Variants in ZC4H2 observed in about 807,000 individuals in gnomAD.
The protein encoded by ZC4H2 is zinc finger C4H2 domain-containing protein.
For synonymous variants in ZC4H2, 84 were observed against 66.3 expected (o/e 1.27, Z -1.30); for missense variants, 137 against 173.9 (o/e 0.79, Z 1.19).
At chrX:64,971,517 T>C (rs969707156) in intron 1 of ZC4H2, among the ~76,000 whole-genome samples, 2 of 111,903 alleles carry the variant, frequency 1.8e-5, no homozygotes, top group African/African-American at 6.5e-5. Context: ...CAGATTGCCA[T>C]CTGAGGTAAC....
At chrX:64,946,543 G>A (rs1200111911) in intron 1 of ZC4H2, among the ~76,000 whole-genome samples, 1 of 107,086 alleles carries the variant, frequency 9.3e-6, no homozygotes, top group East Asian at 3.0e-4. Flanking sequence ...TTCCTATTCA[G>A]CCATCTTGGA....
intron 1 of ZC4H2, among the ~76,000 whole-genome samples, chrX:64,952,316 A>G (rs191071661): frequency 0.14 from 15,245 of 108,546 alleles, 2,723 homozygotes; most frequent in African/African-American, 0.49. Context: ...ACTTTCAAGT[A>G]GTTTCTTCCA....
intron 1 of ZC4H2, among the ~76,000 whole-genome samples, chrX:64,966,412 A>G (rs754131568): frequency 3.6e-5 from 4 of 112,583 alleles, no homozygotes; most frequent in Non-Finnish European, 5.6e-5. Context: ...AGTTATACAT[A>G]TACTTACAAT....
intron 1 of ZC4H2, among the ~76,000 whole-genome samples, chrX:64,956,549 T>C (rs1439622348): frequency 9.0e-6 from 1 of 111,361 alleles, no homozygotes; most frequent in Non-Finnish European, 1.9e-5. Flanking sequence ...CCCAAAATGA[T>C]GGTAACAGAG....
chrX:64,974,466 T>G (rs1931878669), intron 1 of ZC4H2, among the ~76,000 whole-genome samples: 1 of 112,136 alleles, frequency 8.9e-6, no homozygotes, highest in South Asian at 3.7e-4. Context: ...AGTGGATATC[T>G]TAGTATGGAA....
At chrX:64,928,050 T>A (rs1233768287) in intron 1 of ZC4H2, among the ~76,000 whole-genome samples, 1 of 112,257 alleles carries the variant, frequency 8.9e-6, no homozygotes, top group East Asian at 2.8e-4. Context: ...ATGGATAGAT[T>A]GCAAAAATTT....
intron 1 of ZC4H2, among the ~76,000 whole-genome samples, chrX:65,020,932 A>C (rs1050825230): frequency 9.0e-6 from 1 of 111,331 alleles, no homozygotes; most frequent in African/African-American, 3.3e-5. Context: ...GAGAAAAGAA[A>C]GGCATTACAT....
intron 1 of ZC4H2, among the ~76,000 whole-genome samples, chrX:64,942,619 A>G (rs771071825): frequency 9.1e-6 from 1 of 109,911 alleles, no homozygotes; most frequent in Admixed American, 9.8e-5. Flanking sequence ...GCTGAGAATG[A>G]TGGTTTTCAG....
In ZC4H2 at chrX:64,921,958, C is replaced by A. The variant is rs1217296447; in HGVS notation, c.84G>T (p.Lys28Asn). Residue 28 changes from lysine to asparagine, a missense_variant, in exon 2 of 5, where the codon AAG (lysine) becomes AAT (asparagine). Lys to Asn is a moderately conservative substitution (Grantham distance 94). Coordinates refer to ENST00000374839, the MANE Select transcript of ZC4H2 (RefSeq NM_018684.4). ...RNKTLQMEKI[K>N]ARLKAEFEAL... Reference sequence around the variant, plus strand: ...CCTCAAACTCAGCCTTCAAACGAGCCTTGATCTTCTCCATCTGCAGGGTCT... The same window carrying A: ...CCTCAAACTCAGCCTTCAAACGAGCATTGATCTTCTCCATCTGCAGGGTCT... 1 of 1,208,298 alleles carries A rather than the reference C, an allele frequency of 8.3e-7. No individual in the cohort carries two copies. The highest frequency in any genetic ancestry group is 1.8e-5 in the South Asian group (1 of 56,735).
At chrX:65,016,543 A>C (rs763962973) in intron 1 of ZC4H2, among the ~76,000 whole-genome samples, 3 of 112,134 alleles carry the variant, frequency 2.7e-5, no homozygotes, top group Non-Finnish European at 3.8e-5. Context: ...AGATAATCCC[A>C]TAAGTACCTG....
chrX:64,992,332 T>A (rs926822571), intron 1 of ZC4H2, among the ~76,000 whole-genome samples: 2 of 111,454 alleles, frequency 1.8e-5, no homozygotes, highest in African/African-American at 3.3e-5. Context: ...AGATTGAACA[T>A]CCCTCAATCT....
intron 1 of ZC4H2, among the ~76,000 whole-genome samples, chrX:65,026,554 A>C (rs981573974): frequency 9.1e-6 from 1 of 110,373 alleles, no homozygotes; most frequent in African/African-American, 3.3e-5. Flanking sequence ...ATAAAAATAC[A>C]AAAAATTAGC....
chrX:64,920,689 A>G (rs1929158742), intron 2 of ZC4H2, among the ~76,000 whole-genome samples: 1 of 112,189 alleles, frequency 8.9e-6, no homozygotes. Context: ...CTGCATAAAG[A>G]CTTAGGGCTT....
chrX:65,001,249 C>A (rs1001411908), intron 1 of ZC4H2, among the ~76,000 whole-genome samples: 1 of 111,790 alleles, frequency 8.9e-6, no homozygotes, highest in African/African-American at 3.3e-5. Flanking sequence ...CTGCAGGAAC[C>A]CTAGAAGCCA....
At chrX:65,028,027 T>C (rs1416705307) in intron 1 of ZC4H2, among the ~76,000 whole-genome samples, 5 of 112,054 alleles carry the variant, frequency 4.5e-5, no homozygotes, top group African/African-American at 1.3e-4. Flanking sequence ...CTGCCTCCTT[T>C]TTCTTTACTT....
chrX:64,999,289 G>A (rs1932487244), intron 1 of ZC4H2, among the ~76,000 whole-genome samples: 1 of 111,258 alleles, frequency 9.0e-6, no homozygotes, highest in Non-Finnish European at 1.9e-5. Flanking sequence ...CCACCACAGA[G>A]GGTGAGCTGA....
intron 1 of ZC4H2, among the ~76,000 whole-genome samples, chrX:64,925,983 C>A (rs1014623689): frequency 1.8e-5 from 2 of 111,818 alleles, no homozygotes; most frequent in Non-Finnish European, 3.8e-5. Flanking sequence ...GCAGAAGGGC[C>A]AAAACTCCTT....
Position 64,948,889 on chromosome X carries a change from C to T in ZC4H2, c.54-26901G>A, listed in dbSNP as rs776181325. Among the ~76,000 whole-genome samples the T allele has an allele frequency of 1.1e-4, 12 of 111,800 alleles. No homozygotes were observed. The East Asian group carries it at 2.0e-3, about 18-fold the overall frequency. On this transcript the variant is annotated intron_variant, in intron 1 of 4. Coordinates refer to ENST00000374839, the MANE Select transcript of ZC4H2 (RefSeq NM_018684.4). ...ACATAAGATAAAGGTAAACGTTTCA[C>T]CAAGTTGTAAAAGGTTCGTAAAAAT...
intron 1 of ZC4H2, among the ~76,000 whole-genome samples, chrX:65,023,140 G>T (rs1335091509): frequency 4.5e-5 from 5 of 111,441 alleles, no homozygotes; most frequent in African/African-American, 1.6e-4. Flanking sequence ...TTGGCTATGA[G>T]GGCTCTTTTT....
Sources: gnomAD v4.1 joint callset for allele counts (sites outside exome capture counted in the v4.1 genomes callset) on GRCh38, gnomAD v4.1.1 for gene constraint, MANE v1.5 for transcripts, NCBI Gene and HGNC (gene_info 2026-07-23, HGNC 2026-07-21) for gene names.